Variants in TPH1 observed in about 807,000 individuals in gnomAD.
TPH1 encodes the protein tryptophan hydroxylase 1, also known as tryptophan 5-hydroxylase 1.
Under a neutral mutation model 49.5 loss-of-function variants are expected in TPH1, and 37 were observed. The observed-to-expected ratio is 0.75, with a 90% CI of 0.58 to 0.98. The LOEUF (loss-of-function observed/expected upper bound fraction) is 0.98, where lower values mean the gene tolerates loss of function less well. Among genes scored for constraint, TPH1 ranks in the 50% least tolerant of loss-of-function variants. The pLI is 0.00. For missense variants in TPH1, 487 were observed against 523.6 expected, an observed-to-expected ratio of 0.93 and a Z score of 0.68; for synonymous variants, 160 against 182.1, an observed-to-expected ratio of 0.88 and a Z score of 0.98.
chr11:18,037,792 C>T (rs1258603868), intron 2 of TPH1, among the ~76,000 whole-genome samples: 1 of 152,144 alleles, frequency 6.6e-6, no homozygotes, highest in Non-Finnish European at 1.5e-5. Flanking sequence ...GAAACATTCC[C>T]TATCAGACAT....
At position 18,029,397 on chromosome 11, in the gene TPH1, G is replaced by T. The variant is rs756586326; in HGVS notation, c.471-36C>A. 8 of 1,592,930 alleles carry T rather than the reference G, an allele frequency of 5.0e-6. No homozygotes were observed. The East Asian group carries it at 1.8e-4, about 36-fold the overall frequency. ...AAAGGGAAGGAGTTGTTTTGAATTA[G>T]CATTTAATAAATAGTGGCACTTATT... On this transcript the variant is annotated intron_variant, in intron 5 of 10. Transcript: ENST00000682019.
chr11:18,026,124 T>G (rs1847926536), intron 7 of TPH1, among the ~76,000 whole-genome samples: 1 of 152,126 alleles, frequency 6.6e-6, no homozygotes, highest in Non-Finnish European at 1.5e-5. Context: ...TCCATGGGAC[T>G]CAACACCACT....
Position 18,036,128 on chromosome 11 carries a change from A to G in TPH1, c.132T>C (p.Asn44=). Residue 44 remains asparagine, a synonymous_variant, in exon 3 of 11, where the codon AAT becomes AAC. Transcript: ENST00000682019. ...ATTTTCGGGACTCGATATGTAACAG[A>G]TTCACATGCTTCTCCTGTGTAAAGC... ...ALKIFQEKHV[N]LLHIESRKSK... The G allele has an allele frequency of 1.9e-6, 3 of 1,613,088 alleles. No individual in the cohort carries two copies. In the South Asian group the frequency reaches 3.3e-5, roughly 18 times the overall value.
Position 18,029,573 on chromosome 11 carries a change from T to C in TPH1, c.409A>G (p.Lys137Glu). Residue 137 changes from lysine (K) to glutamate (E), a missense_variant, in exon 5 of 11, where the codon AAA (lysine) becomes GAA (glutamate). By Grantham distance (56) the Lys-to-Glu change is moderately conservative. Transcript: ENST00000682019. Reference protein sequence around the residue: ...SELDADHPGFKDNVYRKRRKY... With the variant: ...SELDADHPGFEDNVYRKRRKY... ...CGACGTTTACGGTAGACATTGTCTT[T>C]GAAGCCCTGATAATTAAAGATATGT... is the stretch of plus-strand genomic sequence containing the variant. 1 of 1,612,414 alleles carries C rather than the reference T, an allele frequency of 6.2e-7. No homozygotes were observed. The highest frequency in any genetic ancestry group is 1.1e-5 in the South Asian group (1 of 90,850).
Position 18,046,261 on chromosome 11 carries a change from G to A in TPH1, c.-47C>T, listed in dbSNP as rs775112905. ...CTCACCTCGGGCGCCAGTAGGTGCA[G>A]GCTGGGTCGGCCGGCGGCCCCGCGC... is the stretch of plus-strand genomic sequence containing the variant. On this transcript the variant is annotated 5_prime_UTR_variant, in exon 1 of 11. Coordinates refer to ENST00000682019, the MANE Select transcript of TPH1 (RefSeq NM_004179.3). Among the ~76,000 whole-genome samples, 6 of 152,328 alleles carry A rather than the reference G, an allele frequency of 3.9e-5. No homozygotes were observed. The highest frequency in any genetic ancestry group is 7.3e-5 in the Non-Finnish European group (5 of 68,030).
intron 1 of TPH1, among the ~76,000 whole-genome samples, chr11:18,043,603 AAAAAAC>A (rs1214543021): frequency 2.0e-5 from 3 of 150,340 alleles, no homozygotes; most frequent in African/African-American, 5.0e-5. Context: ...ACTCCGTCTC[AAAAAAC>A]AAAAACAAAA....
chr11:18,030,349 G>A (rs1847974993), intron 4 of TPH1, among the ~76,000 whole-genome samples: 1 of 151,818 alleles, frequency 6.6e-6, no homozygotes, highest in Non-Finnish European at 1.5e-5. Context: ...TTCAGCCCAG[G>A]AATTCTAGGC....
At chr11:18,021,194 C>A (rs774534530) in intron 10 of TPH1, 29 bp from the exon 11 acceptor site, 2 of 1,602,228 alleles carry the variant, frequency 1.2e-6, no homozygotes, top group South Asian at 1.1e-5. Context: ...AGGAGACAAT[C>A]AATTTCTAGG....
chr11:18,038,884 G>T (rs536875011), intron 2 of TPH1, among the ~76,000 whole-genome samples: 36 of 152,246 alleles, frequency 2.4e-4, no homozygotes, highest in Non-Finnish European at 3.5e-4. Flanking sequence ...AATAATAAAA[G>T]TATCAGATTT....
At chr11:18,033,056 C>T (rs991730077) in intron 4 of TPH1, among the ~76,000 whole-genome samples, 1 of 152,060 alleles carries the variant, frequency 6.6e-6, no homozygotes, top group Non-Finnish European at 1.5e-5. Flanking sequence ...AGTTTGAGAC[C>T]AGCCTGGCCA....
chr11:18,035,578 G>A (rs1402413249), intron 3 of TPH1, among the ~76,000 whole-genome samples: 2 of 151,670 alleles, frequency 1.3e-5, no homozygotes, highest in Non-Finnish European at 2.9e-5. Context: ...ATAGATGCAT[G>A]CCACCACACC....
At position 18,040,671 on chromosome 11, in the gene TPH1, A is replaced by T; in HGVS notation, c.92T>A (p.Leu31His). The T allele has an allele frequency of 6.2e-7, 1 of 1,612,236 alleles. No homozygotes were observed. Among genetic ancestry groups the T allele is most frequent in the Non-Finnish European group, 8.5e-7 (1 of 1,179,178 alleles). ...CTGAAAGATTTTCAGGGCTTTTATA[A>T]GTCCTCCAACTTCATTCTTTAAGGA... The part of the protein sequence containing the change: ...IFSLKNEVGG[L>H]IKALKIFQEK... Residue 31 changes from leucine to histidine, a missense_variant, in exon 2 of 11, where the codon CTT becomes CAT. By Grantham distance (99) the Leu-to-His change is moderately conservative (BLOSUM62 -3). Transcript: ENST00000682019.
chr11:18,039,776 T>C (rs183979937), intron 2 of TPH1, among the ~76,000 whole-genome samples: 2 of 152,302 alleles, frequency 1.3e-5, no homozygotes, highest in African/African-American at 2.4e-5. Flanking sequence ...ACCTGACACA[T>C]AGTAAGGACT....
intron 2 of TPH1, among the ~76,000 whole-genome samples, chr11:18,037,209 T>A (rs1433983134): frequency 6.6e-6 from 1 of 151,840 alleles, no homozygotes; most frequent in Admixed American, 6.6e-5. Context: ...AAATAATAAA[T>A]TAGCCAGGCG....
At chr11:18,024,721 C>A (rs970850665) in intron 8 of TPH1, among the ~76,000 whole-genome samples, 3 of 152,110 alleles carry the variant, frequency 2.0e-5, no homozygotes, top group Admixed American at 1.3e-4. Flanking sequence ...ATGATTTTGA[C>A]CTCAAGGACC....
chr11:18,028,813 C>G (rs1847954172), intron 6 of TPH1, among the ~76,000 whole-genome samples: 1 of 152,080 alleles, frequency 6.6e-6, no homozygotes, highest in Admixed American at 6.5e-5. Context: ...GCCTGTAATT[C>G]CAGCACTTTG....
intron 8 of TPH1, 40 bp from the exon 9 acceptor site, chr11:18,024,023 A>G: frequency 6.9e-7 from 1 of 1,457,008 alleles, no homozygotes; most frequent in South Asian, 1.1e-5. Context: ...ACACTGACGA[A>G]TTCAACTTAA....
At chr11:18,030,775 AAAACAAAC>A (rs774352177) in intron 4 of TPH1, among the ~76,000 whole-genome samples, 31 of 152,154 alleles carry the variant, frequency 2.0e-4, no homozygotes, top group African/African-American at 7.0e-4. Context: ...CACAGTGATT[AAAACAAAC>A]AAACAAACAA....
rs754185226 is a variant in TPH1 at position 18,033,375 on chromosome 11, C to G, written c.302-1G>C. On this transcript the variant is annotated splice_acceptor_variant, in intron 3 of 10. Transcript: ENST00000682019. LOFTEE classifies it high-confidence loss of function. Reference sequence around the variant, plus strand: ...GGAAACCAAGGAACAGTTTCCATACCTGTAAAATTTAAAATAAAATAAAAT... The same window carrying G: ...GGAAACCAAGGAACAGTTTCCATACGTGTAAAATTTAAAATAAAATAAAAT... 5.6e-6 allele frequency: 9 copies of G among 1,600,940 alleles called. No individual in the cohort carries two copies. Among genetic ancestry groups the G allele is most frequent in the Middle Eastern group, 1.7e-4 (1 of 6,058 alleles).
Sources: gnomAD v4.1 joint callset for allele counts (sites outside exome capture counted in the v4.1 genomes callset) on GRCh38, gnomAD v4.1.1 for gene constraint, MANE v1.5 for transcripts, NCBI Gene and HGNC (gene_info 2026-07-23, HGNC 2026-07-21) for gene names.